Variants in ARPC5 observed in about 807,000 individuals in gnomAD.
ARPC5 encodes actin related protein 2/3 complex subunit 5, also known as actin-related protein 2/3 complex subunit 5.
In ARPC5, 5 loss-of-function variants were observed where a neutral mutation model predicts 15.4. The ratio of observed to expected loss-of-function variants is 0.32; its 90% CI spans 0.17 to 0.68. ARPC5 has a LOEUF of 0.68. Ranked by LOEUF, ARPC5 falls within the 30% of genes least tolerant of loss-of-function variation. The pLI, the probability that ARPC5 is intolerant of heterozygous loss-of-function variation, is 0.71. For synonymous variants in ARPC5, 85 were observed against 72.2 expected (o/e 1.18, Z -0.90); for missense variants, 138 against 192.8 (o/e 0.72, Z 1.68).
chr1:183,628,402 C>T (rs10911382), intron 3 of ARPC5, among the ~76,000 whole-genome samples: 19,168 of 151,968 alleles, frequency 0.13, 1,752 homozygotes, highest in African/African-American at 0.25. Flanking sequence ...AACTCTGACT[C>T]TAATTTGAAA....
chr1:183,625,188 A>G lies in ARPC5; in HGVS notation c.*2344T>C, dbSNP rs1649058187. ...TGGCATTTATATATATTTTTTCCGC[A>G]ATTAATCCTATTCCCAACTCTTCAC... On this transcript the variant is annotated 3_prime_UTR_variant, in exon 4 of 4. Coordinates refer to ENST00000359856, the MANE Select transcript of ARPC5 (RefSeq NM_005717.4). 6.6e-6 allele frequency: 1 copy of G among 152,212 alleles called. No homozygotes were observed. Among genetic ancestry groups the G allele is most frequent in the Non-Finnish European group, 1.5e-5 (1 of 68,040 alleles). 9.4% of individuals were successfully genotyped at this position (152,212 alleles called of 1,614,324 possible). A position where few individuals can be genotyped will look rare whatever the true frequency, so the allele number is the denominator to read the frequency against.
chr1:183,633,080 A>G lies in ARPC5; in HGVS notation c.216+2T>C, dbSNP rs1572199236. The G allele has an allele frequency of 1.2e-6, 2 of 1,601,492 alleles. No homozygotes were observed. The highest frequency in any genetic ancestry group is 8.5e-7 in the Non-Finnish European group (1 of 1,173,586). ...ATCACTGTGTTGTAGTCTGCGACTCACCTTCACTGCCTGACTCTTGGTGTT... is the reference window on the plus strand; with the variant it reads ...ATCACTGTGTTGTAGTCTGCGACTCGCCTTCACTGCCTGACTCTTGGTGTT... On this transcript the variant is annotated splice_donor_variant, in intron 2 of 3. Transcript: ENST00000359856. LOFTEE classifies it high-confidence loss of function.
rs1022572042 is a variant in ARPC5, at chr1:183,626,029, T to G, written c.*1503A>C. ...ATCACTCCAAAGGCTTCAGTAGTGC[T>G]CTGACATCATTCATGACTCTCTTCT... On this transcript the variant is annotated 3_prime_UTR_variant, in exon 4 of 4. Transcript: ENST00000359856. 1 of 152,226 alleles carries G rather than the reference T, an allele frequency of 6.6e-6. No homozygotes were observed. The highest frequency in any genetic ancestry group is 1.5e-5 in the Non-Finnish European group (1 of 68,052). The allele number at this position is 152,226 out of a possible 1,614,324, so 9.4% of individuals were successfully genotyped here.
Position 183,633,072 on chromosome 1 carries a change from TG to T in ARPC5, c.216+9del, listed in dbSNP as rs1649313880. 13 of 1,594,634 alleles carry T rather than the reference TG, an allele frequency of 8.2e-6. No individual in the cohort carries two copies. Among genetic ancestry groups the T allele is most frequent in the Non-Finnish European group, 1.0e-5 (12 of 1,168,232 alleles). ...CAGCAGAGATCACTGTGTTGTAGTCTGCGACTCACCTTCACTGCCTGACTCT... is the reference window on the plus strand; with the variant it reads ...CAGCAGAGATCACTGTGTTGTAGTCTCGACTCACCTTCACTGCCTGACTCT... On this transcript the variant is annotated intron_variant, in intron 2 of 3. Transcript: ENST00000359856.
intron 1 of ARPC5, among the ~76,000 whole-genome samples, chr1:183,634,902 C>T (rs1171490104): frequency 3.1e-5 from 4 of 129,912 alleles, no homozygotes; most frequent in Non-Finnish European, 6.4e-5. Flanking sequence ...GCCAAATCCC[C>T]TTCTTCTTCT....
At position 183,621,319 on chromosome 1, in the gene ARPC5, C is replaced by T. The variant is rs1000730413; in HGVS notation, c.*6213G>A. 5 of 152,306 alleles carry T rather than the reference C, an allele frequency of 3.3e-5. No individual in the cohort carries two copies. The highest frequency in any genetic ancestry group is 3.4e-3 in the Middle Eastern group (1 of 292). The allele number at this position is 152,306 out of a possible 1,614,324, so 9.4% of individuals were successfully genotyped here. A position where few individuals can be genotyped will look rare whatever the true frequency, so the allele number is the denominator to read the frequency against. ...ATAGGCTTGAACATATGTAAAATGA[C>T]TTGTGTATAATGCTATTCACTGTAG... is the stretch of plus-strand genomic sequence containing the variant. On this transcript the variant is annotated 3_prime_UTR_variant, in exon 4 of 4. Coordinates refer to ENST00000359856, the MANE Select transcript of ARPC5 (RefSeq NM_005717.4).
chr1:183,632,974 G>A (rs1285975033), intron 2 of ARPC5, 108 bp downstream of exon 2: 22 of 866,714 alleles, frequency 2.5e-5, no homozygotes, highest in African/African-American at 5.4e-5. Context: ...ACTCTTCTAT[G>A]TCAAAGATAG....
At position 183,622,427 on chromosome 1, in the gene ARPC5, A is replaced by G. The variant is rs1648965368; in HGVS notation, c.*5105T>C. The G allele has an allele frequency of 6.6e-6, 1 of 152,226 alleles. No homozygotes were observed. Among genetic ancestry groups the G allele is most frequent in the African/African-American group, 2.4e-5 (1 of 41,454 alleles). 9.4% of individuals were successfully genotyped at this position (152,226 alleles called of 1,614,324 possible). A position where few individuals can be genotyped will look rare whatever the true frequency, so the allele number is the denominator to read the frequency against. On this transcript the variant is annotated 3_prime_UTR_variant, in exon 4 of 4. Transcript: ENST00000359856. ...TGGCATCTTGATTCAATTTTTGGAG[A>G]AACAAAAGGAAGTATGATGTTATTC...
chr1:183,628,138 A>C (rs918987188), intron 3 of ARPC5, among the ~76,000 whole-genome samples: 1 of 131,116 alleles, frequency 7.6e-6, no homozygotes, highest in African/African-American at 2.8e-5. Flanking sequence ...GCGCCACTGC[A>C]CTCCAGCCTG....
chr1:183,634,142 T>G (rs1442492247), intron 1 of ARPC5, among the ~76,000 whole-genome samples: 1 of 152,238 alleles, frequency 6.6e-6, no homozygotes, highest in Admixed American at 6.5e-5. Flanking sequence ...AGGAAGCATG[T>G]TCACCATTTA....
intron 3 of ARPC5, 178 bp downstream of exon 3, chr1:183,630,283 C>T: frequency 2.3e-6 from 1 of 440,498 alleles, no homozygotes; most frequent in Non-Finnish European, 3.9e-6. Context: ...GTGTTGGAAT[C>T]AGAATCTCTT....
At position 183,624,311 on chromosome 1, in the gene ARPC5, T is replaced by C. The variant is rs57391048; in HGVS notation, c.*3221A>G. 11,977 of 151,902 alleles carry C rather than the reference T, an allele frequency of 0.079. 916 individuals carry two copies. Among genetic ancestry groups the C allele is most frequent in the African/African-American group, 0.2 (8,248 of 41,350 alleles). 9.4% of individuals were successfully genotyped at this position (151,902 alleles called of 1,614,324 possible). ...TCACGAGGTCAGGAGATCGAGACCA[T>C]CCTGGCTAACACGGTGAATGAAACC... On this transcript the variant is annotated 3_prime_UTR_variant, in exon 4 of 4. Transcript: ENST00000359856.
chr1:183,629,236 A>C (rs1365519704), intron 3 of ARPC5, among the ~76,000 whole-genome samples: 1 of 152,230 alleles, frequency 6.6e-6, no homozygotes, highest in Admixed American at 6.5e-5. Flanking sequence ...GAATATAATA[A>C]GTAATCAATG....
At chr1:183,634,609 T>C (rs370454535) in intron 1 of ARPC5, among the ~76,000 whole-genome samples, 2 of 152,184 alleles carry the variant, frequency 1.3e-5, no homozygotes, top group African/African-American at 4.8e-5. Context: ...TATTCAAATA[T>C]GCAAAAACAG....
Position 183,623,759 on chromosome 1 carries a change from A to T in ARPC5, c.*3773T>A. On this transcript the variant is annotated 3_prime_UTR_variant, in exon 4 of 4. Coordinates refer to ENST00000359856, the MANE Select transcript of ARPC5 (RefSeq NM_005717.4). ...ATCAATCTGGCTGGGCGCGGTGGTC[A>T]CGCCTGTAATCCCAGTGCTTTGGGA... is the stretch of plus-strand genomic sequence containing the variant. 2.2e-6 allele frequency: 1 copy of T among 456,482 alleles called. No individual in the cohort carries two copies. Among genetic ancestry groups the T allele is most frequent in the East Asian group, 4.0e-5 (1 of 25,124 alleles). The allele number at this position is 456,482 out of a possible 1,614,324, so 28.3% of individuals were successfully genotyped here. A position where few individuals can be genotyped will look rare whatever the true frequency, so the allele number is the denominator to read the frequency against.
chr1:183,633,093 G>C lies in ARPC5; in HGVS notation c.205C>G (p.Gln69Glu). ...AGTCTGCGACTCACCTTCACTGCCT[G>C]ACTCTTGGTGTTGATAGGGGGGTTC... ...LKNPPINTKS[Q>E]AVKDRAGSIV... The change falls in exon 2 of 4, where the codon CAG (glutamine) becomes GAG (glutamate). Residue 69 changes from glutamine to glutamate, a missense_variant. Physicochemically the swap from Gln to Glu is conservative, Grantham distance 29. Coordinates refer to ENST00000359856, the MANE Select transcript of ARPC5 (RefSeq NM_005717.4). 1.2e-6 allele frequency: 2 copies of C among 1,604,932 alleles called. No individual in the cohort carries two copies. The highest frequency in any genetic ancestry group is 1.7e-6 in the Non-Finnish European group (2 of 1,175,962).
At position 183,622,896 on chromosome 1, in the gene ARPC5, G is replaced by T. The variant is rs1648979528; in HGVS notation, c.*4636C>A. 6.5e-6 allele frequency: 1 copy of T among 154,014 alleles called. No homozygotes were observed. Among genetic ancestry groups the T allele is most frequent in the Non-Finnish European group, 1.4e-5 (1 of 69,176 alleles). The allele number at this position is 154,014 out of a possible 1,614,324, so 9.5% of individuals were successfully genotyped here. A position where few individuals can be genotyped will look rare whatever the true frequency, so the allele number is the denominator to read the frequency against. ...CAAGAATTATTTTACTCTTTGTATA[G>T]TTCTCAATTTGTACTTCTGATGTGT... On this transcript the variant is annotated 3_prime_UTR_variant, in exon 4 of 4. Coordinates refer to ENST00000359856, the MANE Select transcript of ARPC5 (RefSeq NM_005717.4).
At chr1:183,630,946 T>A (rs1399299795) in intron 2 of ARPC5, 1 of 236,608 alleles carries the variant, frequency 4.2e-6, no homozygotes, top group South Asian at 1.6e-4. Flanking sequence ...TGTAAGGAGT[T>A]TGGCTTTTAC....
chr1:183,627,567 T>C lies in ARPC5; in HGVS notation c.421A>G (p.Ile141Val), dbSNP rs1649142644. 6.2e-7 allele frequency: 1 copy of C among 1,614,096 alleles called. No homozygotes were observed. Among genetic ancestry groups the C allele is most frequent in the Admixed American group, 1.7e-5 (1 of 60,028 alleles). The change falls in exon 4 of 4, where the codon ATT becomes GTT. Residue 141 changes from isoleucine (I) to valine (V), a missense_variant. Around this residue, in one of 3 missense-constraint regions of ARPC5, gnomAD observed 121 missense variants for 153.7 expected, o/e 0.79. Transcript: ENST00000359856. ...KALAAGGVGS[I>V]VRVLTARKTV ...TTTCTTGCAGTCAAGACACGAACAA[T>C]GGACCCTACTCCTCCAGCAGCAAGT...
Sources: allele counts gnomAD v4.1 joint callset (sites outside exome capture counted in the v4.1 genomes callset), GRCh38; gene constraint gnomAD v4.1.1; regional missense constraint gnomAD v4.1.1; transcripts MANE v1.5; gene names NCBI Gene and HGNC (gene_info 2026-07-23, HGNC 2026-07-21).